STAG1: variants seen among roughly 807,000 people sequenced by gnomAD.
STAG1 encodes the protein cohesin subunit SA-1.
STAG1 carries 26 observed loss-of-function variants against 170.9 expected under a neutral mutation model. That is an observed-to-expected ratio of 0.15 (90% confidence interval 0.11 to 0.21). The LOEUF (loss-of-function observed/expected upper bound fraction) is 0.21, where lower values mean the gene tolerates loss of function less well. Ranked by LOEUF, STAG1 falls within the 10% of genes least tolerant of loss-of-function variation. The pLI, the probability that STAG1 is intolerant of heterozygous loss-of-function variation, is 1.00. For missense variants in STAG1, 964 were observed against 1,509.5 expected (o/e 0.64, Z 5.99); for synonymous variants, 514 against 497.7 (o/e 1.03, Z -0.44).
chr3:136,497,638 A>G (rs1933187498), intron 9 of STAG1, among the ~76,000 whole-genome samples: 1 of 151,642 alleles, frequency 6.6e-6, no homozygotes, highest in African/African-American at 2.4e-5. Context: ...CAGGAGATCG[A>G]GACCACCCTG....
intron 5 of STAG1, among the ~76,000 whole-genome samples, chr3:136,551,198 T>TGAGAGA (rs200132855): frequency 0.092 from 3,922 of 42,498 alleles, 574 homozygotes; most frequent in African/African-American, 0.23. Flanking sequence ...AGAGAGAGGT[T>TGAGAGA]GAGAGAGAGT....
intron 24 of STAG1, among the ~76,000 whole-genome samples, chr3:136,367,616 C>T (rs1385253439): frequency 6.6e-6 from 1 of 152,096 alleles, no homozygotes; most frequent in Non-Finnish European, 1.5e-5. Flanking sequence ...TACATTCTCA[C>T]TGAGAGAACA....
At chr3:136,407,862 C>T (rs901905900) in intron 21 of STAG1, among the ~76,000 whole-genome samples, 1 of 150,688 alleles carries the variant, frequency 6.6e-6, no homozygotes, top group African/African-American at 2.4e-5. Context: ...CGCCACTGCA[C>T]TCCAGCCTGG....
intron 21 of STAG1, among the ~76,000 whole-genome samples, chr3:136,413,469 T>TTA (rs2087686860): frequency 6.6e-6 from 1 of 151,408 alleles, no homozygotes; most frequent in African/African-American, 2.4e-5. Flanking sequence ...TATTATTATT[T>TTA]TTTTTTGAGA....
chr3:136,472,583 A>G (rs773008280), intron 11 of STAG1, 91 bp from the exon 12 acceptor site: 44 of 787,728 alleles, frequency 5.6e-5, no homozygotes, highest in Non-Finnish European at 8.5e-5. Flanking sequence ...TATATATGCA[A>G]TACTAATGAT....
intron 4 of STAG1, among the ~76,000 whole-genome samples, chr3:136,582,825 A>T (rs1033996090): frequency 1.3e-5 from 2 of 152,200 alleles, no homozygotes; most frequent in Non-Finnish European, 2.9e-5. Flanking sequence ...AAAATAAAAA[A>T]TAAATTAGCA....
At chr3:136,376,016 C>T (rs1964478) in intron 23 of STAG1, among the ~76,000 whole-genome samples, 9,631 of 113,410 alleles carry the variant, frequency 0.085, 778 homozygotes, top group East Asian at 0.14. Context: ...AAATAATTAA[C>T]AAAATAAAAT....
intron 6 of STAG1, among the ~76,000 whole-genome samples, chr3:136,538,517 C>G (rs185400241): frequency 1.4e-4 from 21 of 151,644 alleles, no homozygotes; most frequent in African/African-American, 5.1e-4. Flanking sequence ...CTCCCAGATT[C>G]AAGCGATTCT....
intron 30 of STAG1, among the ~76,000 whole-genome samples, chr3:136,342,967 A>G (rs1333225313): frequency 6.6e-6 from 1 of 152,242 alleles, no homozygotes. Context: ...ATGCCCAGTT[A>G]TACCATGGGT....
At chr3:136,389,916 C>G (rs889698252) in intron 22 of STAG1, among the ~76,000 whole-genome samples, 1 of 151,654 alleles carries the variant, frequency 6.6e-6, no homozygotes, top group Non-Finnish European at 1.5e-5. Context: ...ATTGCAACCT[C>G]TGCCTCCCGG....
chr3:136,462,049 A>C (rs547363147), intron 13 of STAG1, among the ~76,000 whole-genome samples: 1 of 152,210 alleles, frequency 6.6e-6, no homozygotes, highest in South Asian at 2.1e-4. Context: ...AAAAAATAAC[A>C]TGCTGGCCAG....
intron 1 of STAG1, among the ~76,000 whole-genome samples, chr3:136,693,315 A>G (rs1468073780): frequency 6.6e-6 from 1 of 152,178 alleles, no homozygotes; most frequent in Non-Finnish European, 1.5e-5. Context: ...GAGGACCAAT[A>G]TGGTTGCTCC....
At position 136,491,984 on chromosome 3, in the gene STAG1, T is replaced by C. The variant is rs538372021; in HGVS notation, c.902+8239A>G. ...CTCCAGCCTGGGAGACAGAGCAAGATTGTCTCAAAAACAAAACAAAACAAA... is the reference window on the plus strand; with the variant it reads ...CTCCAGCCTGGGAGACAGAGCAAGACTGTCTCAAAAACAAAACAAAACAAA... On this transcript the variant is annotated intron_variant, in intron 9 of 33. Coordinates refer to ENST00000383202, the MANE Select transcript of STAG1 (RefSeq NM_005862.3). Among the ~76,000 whole-genome samples the C allele has an allele frequency of 6.4e-4, 98 of 152,142 alleles. 1 individual carries two copies. Among genetic ancestry groups the C allele is most frequent in the African/African-American group, 1.5e-3 (63 of 41,516 alleles).
intron 1 of STAG1, among the ~76,000 whole-genome samples, chr3:136,651,518 C>T (rs1239797315): frequency 2.6e-5 from 4 of 151,244 alleles, no homozygotes; most frequent in Non-Finnish European, 5.9e-5. Flanking sequence ...TAAATATTTA[C>T]AAGTTAGTAA....
chr3:136,364,905 T>A (rs191359629), intron 25 of STAG1, among the ~76,000 whole-genome samples: 11 of 152,308 alleles, frequency 7.2e-5, no homozygotes, highest in Admixed American at 3.3e-4. Flanking sequence ...AGGATCCTTT[T>A]AGTGCAAAGA....
chr3:136,725,061 A>G (rs1933581703), intron 1 of STAG1, among the ~76,000 whole-genome samples: 1 of 152,218 alleles, frequency 6.6e-6, no homozygotes, highest in African/African-American at 2.4e-5. Context: ...AAATGGAAGT[A>G]GTCTAATACT....
In STAG1 at chr3:136,579,958, A is replaced by ATTTTTTTTTTTTTTTT. The variant is rs749325884; in HGVS notation, c.298-11113_298-11098dup. On this transcript the variant is annotated intron_variant, in intron 4 of 33. Coordinates refer to ENST00000383202, the MANE Select transcript of STAG1 (RefSeq NM_005862.3). The stretch of plus-strand genomic sequence containing the variant: ...CTATTTTGGTCACAATACCATCTGA[A>ATTTTTTTTTTTTTTTT]TTTTTTTTTTTTTTTTTTTTTTTTT... Among the ~76,000 whole-genome samples, 66 of 73,648 alleles carry ATTTTTTTTTTTTTTTT rather than the reference A, an allele frequency of 9.0e-4. 9 individuals are homozygous for ATTTTTTTTTTTTTTTT. Among genetic ancestry groups the ATTTTTTTTTTTTTTTT allele is most frequent in the African/African-American group, 1.2e-3 (20 of 17,064 alleles). The allele number at this position is 73,648 out of a possible 152,430, so 48.3% of individuals were successfully genotyped here.
rs552392248 is a variant in STAG1, at chr3:136,751,356, G to A, written c.-84+839C>T. On this transcript the variant is annotated intron_variant, in intron 1 of 33. Transcript: ENST00000383202. ...TCTTAGTACCCATACCATACAAGAA[G>A]AACCCAGTTCGGACCCTGCAAACGG... Among the ~76,000 whole-genome samples, 43 of 152,210 alleles carry A rather than the reference G, an allele frequency of 2.8e-4. 1 individual carries two copies. The highest frequency in any genetic ancestry group is 1.9e-3 in the Admixed American group (29 of 15,286).
chr3:136,406,612 A>T (rs1222991901), intron 21 of STAG1, among the ~76,000 whole-genome samples: 1 of 152,236 alleles, frequency 6.6e-6, no homozygotes, highest in Non-Finnish European at 1.5e-5. Context: ...AGGAAATATT[A>T]AGAAATACAT....
Sources: gnomAD v4.1 joint callset for allele counts (sites outside exome capture counted in the v4.1 genomes callset) on GRCh38, gnomAD v4.1.1 for gene constraint, MANE v1.5 for transcripts, NCBI Gene and HGNC (gene_info 2026-07-23, HGNC 2026-07-21) for gene names.